Variants in DIP2B observed in about 807,000 individuals in gnomAD.
DIP2B encodes the protein DIP2 acetate--CoA ligase B (putative), also known as disco-interacting protein 2 homolog B.
In DIP2B, 76 loss-of-function variants were observed where a neutral mutation model predicts 198.0. That is an observed-to-expected ratio of 0.38 (90% CI 0.32 to 0.46). The LOEUF is 0.46. Ranked by LOEUF, DIP2B falls within the 20% of genes least tolerant of loss-of-function variation. The pLI, the probability that DIP2B is intolerant of heterozygous loss-of-function variation, is 0.99. For synonymous variants in DIP2B, 701 were observed against 739.1 expected (o/e 0.95, Z 0.84); for missense variants, 1,559 against 1,978.4 (o/e 0.79, Z 4.02).
At chr12:50,721,512 A>G in intron 26 of DIP2B, 116 bp downstream of exon 26, 1 of 1,482,958 alleles carries the variant, frequency 6.7e-7, no homozygotes, top group Non-Finnish European at 9.1e-7. Context: ...GTACTTCCCA[A>G]CACTTAGAAG....
At chr12:50,657,366 C>T (rs975268185) in intron 3 of DIP2B, among the ~76,000 whole-genome samples, 1 of 151,510 alleles carries the variant, frequency 6.6e-6, no homozygotes, top group African/African-American at 2.4e-5. Context: ...TAATTGCAAA[C>T]GGAAGAATGG....
intron 1 of DIP2B, among the ~76,000 whole-genome samples, chr12:50,616,940 C>T (rs1403556580): frequency 6.6e-6 from 1 of 152,104 alleles, no homozygotes; most frequent in African/African-American, 2.4e-5. Flanking sequence ...ATTTTTATCT[C>T]TTTCTCTTTA....
At chr12:50,523,673 T>G (rs952050512) in intron 1 of DIP2B, among the ~76,000 whole-genome samples, 6 of 152,220 alleles carry the variant, frequency 3.9e-5, no homozygotes, top group African/African-American at 1.4e-4. Flanking sequence ...CTAAAGTTAC[T>G]GTATTCAAAG....
Position 50,744,730 on chromosome 12 carries a change from A to C in DIP2B, c.4622A>C (p.Asp1541Ala). ...ATCGTTGGCGTCGTGGTTGTGGTGG[A>C]CCCAGGTGTCATCCCGATCAACTCC... ...YLIVGVVVVV[D>A]PGVIPINSRG... The change falls in exon 38 of 38, where the codon GAC (aspartate) becomes GCC (alanine). Residue 1541 changes from aspartate (D) to alanine (A), a missense_variant. Coordinates refer to ENST00000301180, the MANE Select transcript of DIP2B (RefSeq NM_173602.3). 6.2e-7 allele frequency: 1 copy of C among 1,614,000 alleles called. No homozygotes were observed. Among genetic ancestry groups the C allele is most frequent in the Non-Finnish European group, 8.5e-7 (1 of 1,180,004 alleles).
rs763223916 is a variant in DIP2B at position 50,744,657 on chromosome 12, G to T, written c.4549G>T (p.Asp1517Tyr). The change falls in exon 38 of 38, where the codon GAT (aspartate) becomes TAT (tyrosine). Residue 1517 changes from aspartate (D) to tyrosine (Y), a missense_variant. Transcript: ENST00000301180. ...GTGCGGCTCTGAACAGGAAGCCCTA[G>T]ATCTGGTCCCATTAGTGACCAACGT... Reference protein sequence around the residue: ...ELCGSEQEALDLVPLVTNVVL... With the variant: ...ELCGSEQEALYLVPLVTNVVL... 4 of 1,614,084 alleles carry T rather than the reference G, an allele frequency of 2.5e-6. No individual in the cohort carries two copies. In the South Asian group the frequency reaches 3.3e-5, roughly 13 times the overall value.
chr12:50,593,508 C>CA (rs898713276), intron 1 of DIP2B, among the ~76,000 whole-genome samples: 273 of 130,834 alleles, frequency 2.1e-3, no homozygotes, highest in African/African-American at 6.2e-3. Context: ...TGTCTCAAAA[C>CA]AAAAAAAAAA....
At chr12:50,624,584 G>A (rs1045457158) in intron 1 of DIP2B, among the ~76,000 whole-genome samples, 2 of 152,032 alleles carry the variant, frequency 1.3e-5, no homozygotes, top group East Asian at 1.9e-4. Context: ...CACCCACCTC[G>A]ACCTACTGAA....
At chr12:50,658,859 C>T (rs1337385711) in intron 3 of DIP2B, among the ~76,000 whole-genome samples, 6 of 152,024 alleles carry the variant, frequency 3.9e-5, no homozygotes, top group Non-Finnish European at 8.8e-5. Context: ...TAGGCCGAGG[C>T]GGGCAGATGA....
intron 1 of DIP2B, among the ~76,000 whole-genome samples, chr12:50,587,704 A>G (rs1322766482): frequency 1.3e-5 from 2 of 152,202 alleles, no homozygotes; most frequent in African/African-American, 4.8e-5. Context: ...CCCTAAAAAT[A>G]TTTTAACCTT....
At chr12:50,580,877 A>G (rs971032259) in intron 1 of DIP2B, among the ~76,000 whole-genome samples, 1 of 149,134 alleles carries the variant, frequency 6.7e-6, no homozygotes, top group Non-Finnish European at 1.5e-5. Context: ...AGCACCCTCC[A>G]TCAACAAAGA....
intron 1 of DIP2B, among the ~76,000 whole-genome samples, chr12:50,572,143 TA>T (rs1186470015): frequency 6.6e-6 from 1 of 152,310 alleles, no homozygotes; most frequent in Non-Finnish European, 1.5e-5. Context: ...AGCACAACTT[TA>T]AAAAAATCAC....
At chr12:50,738,859 A>G (rs1028775472) in intron 35 of DIP2B, among the ~76,000 whole-genome samples, 13 of 152,234 alleles carry the variant, frequency 8.5e-5, no homozygotes, top group African/African-American at 3.1e-4. Flanking sequence ...TAAATGTATT[A>G]ACACCTGCAT....
At chr12:50,582,145 G>GTTTTTTTTTTTTTTTTTTTTTTTT (rs367699036) in intron 1 of DIP2B, among the ~76,000 whole-genome samples, 1 of 77,552 alleles carries the variant, frequency 1.3e-5, no homozygotes, top group African/African-American at 6.2e-5. Flanking sequence ...CTTTTTTTCT[G>GTTTTTTTTTTTTTTTTTTTTTTTT]TTTTTTTTTT....
rs927217854 is a variant in DIP2B at position 50,714,660 on chromosome 12, G to T, written c.2851+64G>T. On this transcript the variant is annotated intron_variant, in intron 23 of 37. Coordinates refer to ENST00000301180, the MANE Select transcript of DIP2B (RefSeq NM_173602.3). Reference sequence around the variant, plus strand: ...AACTTCAAGAAGCTGGGTTCTCTCAGTGTGATTCTTTCTCTACAATTAGTT... The same window carrying T: ...AACTTCAAGAAGCTGGGTTCTCTCATTGTGATTCTTTCTCTACAATTAGTT... The T allele has an allele frequency of 5.7e-6, 9 of 1,581,848 alleles. No homozygotes were observed. The Admixed American group carries it at 6.8e-5, about 12-fold the overall frequency.
At chr12:50,611,619 C>T (rs1269644672) in intron 1 of DIP2B, among the ~76,000 whole-genome samples, 1 of 152,014 alleles carries the variant, frequency 6.6e-6, no homozygotes, top group Non-Finnish European at 1.5e-5. Context: ...TGGGAGCTCC[C>T]TTTCCCTCCC....
chr12:50,670,293 C>G (rs1221512611), intron 4 of DIP2B, among the ~76,000 whole-genome samples: 1 of 152,116 alleles, frequency 6.6e-6, no homozygotes, highest in Non-Finnish European at 1.5e-5. Context: ...GCTTGGAAAG[C>G]TTACCTGTGC....
At chr12:50,568,995 C>G (rs955249724) in intron 1 of DIP2B, among the ~76,000 whole-genome samples, 1 of 151,594 alleles carries the variant, frequency 6.6e-6, no homozygotes, top group Admixed American at 6.6e-5. Flanking sequence ...TCGTGCTTCC[C>G]TCCCCTCTCA....
intron 1 of DIP2B, among the ~76,000 whole-genome samples, chr12:50,552,381 C>T (rs1057263472): frequency 6.6e-6 from 1 of 151,870 alleles, no homozygotes; most frequent in African/African-American, 2.4e-5. Context: ...ATTCTCCTGC[C>T]TCAGCCTCCC....
chr12:50,705,392 T>C (rs1389191354), intron 20 of DIP2B, among the ~76,000 whole-genome samples: 2 of 152,192 alleles, frequency 1.3e-5, no homozygotes, highest in Non-Finnish European at 2.9e-5. Context: ...CCACCTCCTT[T>C]TAGCTTACAG....
Sources: gnomAD v4.1 joint callset for allele counts (sites outside exome capture counted in the v4.1 genomes callset) on GRCh38, gnomAD v4.1.1 for gene constraint, MANE v1.5 for transcripts, NCBI Gene and HGNC (gene_info 2026-07-23, HGNC 2026-07-21) for gene names.